Variants in EPHA6 observed in about 807,000 individuals in gnomAD.
EPHA6 encodes the protein EPH receptor A6.
In EPHA6, 50 loss-of-function variants were observed where a neutral mutation model predicts 112.0. That is an observed-to-expected ratio of 0.45 (90% confidence interval 0.36 to 0.56). EPHA6 has a LOEUF of 0.56. Among genes scored for constraint, EPHA6 ranks in the 20% least tolerant of loss-of-function variants. EPHA6 has a pLI of 0.00. For synonymous variants in EPHA6, 529 were observed against 490.7 expected, an observed-to-expected ratio of 1.08 and a Z score of -1.03; for missense variants, 1,280 against 1,417.4, an observed-to-expected ratio of 0.90 and a Z score of 1.56.
At chr3:97,008,967 A>C (rs1042724863) in intron 3 of EPHA6, among the ~76,000 whole-genome samples, 1 of 152,048 alleles carries the variant, frequency 6.6e-6, no homozygotes, top group Admixed American at 6.6e-5. Context: ...GATACCATTC[A>C]TGGAGGCTGG....
intron 5 of EPHA6, among the ~76,000 whole-genome samples, chr3:97,329,343 G>T (rs1444546557): frequency 6.6e-6 from 1 of 151,304 alleles, no homozygotes; most frequent in Non-Finnish European, 1.5e-5. Context: ...GTAATGGGAT[G>T]GCTGGGTCAA....
intron 5 of EPHA6, among the ~76,000 whole-genome samples, chr3:97,384,264 T>C (rs981718842): frequency 1.3e-5 from 2 of 152,212 alleles, no homozygotes; most frequent in Non-Finnish European, 1.5e-5. Context: ...TATTATATTA[T>C]TATTTCAAGT....
At chr3:97,305,135 C>A (rs575047134) in intron 5 of EPHA6, among the ~76,000 whole-genome samples, 1 of 152,096 alleles carries the variant, frequency 6.6e-6, no homozygotes, top group Middle Eastern at 3.4e-3. Flanking sequence ...AATAAAAGCT[C>A]AACATCACTG....
At chr3:97,648,598 C>G in intron 14 of EPHA6, 1 of 1,155,978 alleles carries the variant, frequency 8.7e-7, no homozygotes. Context: ...TAAGTACTTT[C>G]ATTAACATGA....
chr3:97,118,046 A>G (rs2047942416), intron 3 of EPHA6, among the ~76,000 whole-genome samples: 1 of 151,836 alleles, frequency 6.6e-6, no homozygotes, highest in South Asian at 2.1e-4. Context: ...ATCTTCAAAT[A>G]CTATTTGAAA....
chr3:96,986,437 C>G (rs2043024964), intron 2 of EPHA6, among the ~76,000 whole-genome samples: 2 of 152,114 alleles, frequency 1.3e-5, no homozygotes, highest in Non-Finnish European at 2.9e-5. Flanking sequence ...CACTTATGCT[C>G]TTCCTCAAAT....
At chr3:97,072,432 A>G (rs748412464) in intron 3 of EPHA6, among the ~76,000 whole-genome samples, 4 of 152,112 alleles carry the variant, frequency 2.6e-5, no homozygotes, top group African/African-American at 4.8e-5. Flanking sequence ...AACATCATCT[A>G]TAACTAAGAA....
At position 97,749,495 on chromosome 3, in the gene EPHA6, C is replaced by A. The variant is rs2035842638; in HGVS notation, c.*794C>A. Among the ~76,000 whole-genome samples the A allele has an allele frequency of 6.6e-6, 1 of 151,908 alleles. No individual in the cohort carries two copies. The highest frequency in any genetic ancestry group is 1.5e-5 in the Non-Finnish European group (1 of 67,992). On this transcript the variant is annotated 3_prime_UTR_variant, in exon 18 of 18. Transcript: ENST00000389672. ...ATATTTCTCTACTACCTTATGAAGA[C>A]CGCTCCTGGAAAGACCAAGGGTGAC...
intron 7 of EPHA6, among the ~76,000 whole-genome samples, chr3:97,467,298 T>A (rs1010793916): frequency 1.1e-4 from 16 of 151,954 alleles, no homozygotes; most frequent in African/African-American, 3.6e-4. Context: ...AATCATTTTC[T>A]TTAAATATTT....
intron 3 of EPHA6, among the ~76,000 whole-genome samples, chr3:97,168,465 A>T (rs1034541206): frequency 6.6e-6 from 1 of 151,824 alleles, no homozygotes; most frequent in Non-Finnish European, 1.5e-5. Flanking sequence ...GTTGTTCAAA[A>T]TTGTGTAGCA....
intron 3 of EPHA6, among the ~76,000 whole-genome samples, chr3:97,076,561 T>C (rs941556086): frequency 1.4e-4 from 22 of 152,170 alleles, no homozygotes; most frequent in Admixed American, 1.3e-3. Flanking sequence ...CAGCAAGTTA[T>C]CCAGAAGATC....
At chr3:96,871,912 C>T (rs571035201) in intron 2 of EPHA6, among the ~76,000 whole-genome samples, 7 of 152,010 alleles carry the variant, frequency 4.6e-5, no homozygotes, top group African/African-American at 1.4e-4. Flanking sequence ...AGTGTGGTAA[C>T]GGCCTCTTAA....
intron 3 of EPHA6, among the ~76,000 whole-genome samples, chr3:97,165,338 C>T (rs1576601225): frequency 6.6e-6 from 1 of 152,102 alleles, no homozygotes; most frequent in Non-Finnish European, 1.5e-5. Flanking sequence ...ATATTTTCAA[C>T]ATCAGATTAT....
intron 5 of EPHA6, among the ~76,000 whole-genome samples, chr3:97,281,335 A>G (rs1031832068): frequency 1.3e-5 from 2 of 152,124 alleles, no homozygotes; most frequent in Non-Finnish European, 2.9e-5. Flanking sequence ...TTGGGGGAAA[A>G]GGAAGCACAT....
intron 2 of EPHA6, among the ~76,000 whole-genome samples, chr3:96,951,965 C>T (rs913222251): frequency 9.9e-5 from 15 of 152,100 alleles, no homozygotes; most frequent in African/African-American, 3.6e-4. Context: ...TACTGTTTCT[C>T]AGCAACCTAG....
At chr3:97,148,589 G>A (rs560541217) in intron 3 of EPHA6, among the ~76,000 whole-genome samples, 35 of 152,012 alleles carry the variant, frequency 2.3e-4, no homozygotes, top group African/African-American at 5.8e-4. Flanking sequence ...GAGATGATGC[G>A]AATGCTTTTA....
chr3:97,523,308 T>G lies in EPHA6; in HGVS notation c.2201-9050T>G, dbSNP rs866161174. On this transcript the variant is annotated intron_variant, in intron 10 of 17. Transcript: ENST00000389672. Reference sequence around the variant, plus strand: ...ATCCATTAGTTGTACAGGAGTGTGATGTTTAATTTCCACATATTTGTGAAT... The same window carrying G: ...ATCCATTAGTTGTACAGGAGTGTGAGGTTTAATTTCCACATATTTGTGAAT... 3.3e-5 allele frequency among the ~76,000 whole-genome samples: 5 copies of G among 152,304 alleles called. No homozygotes were observed. In the Middle Eastern group the frequency reaches 0.017, roughly 518 times the overall value.
chr3:97,014,233 A>G (rs2044189460), intron 3 of EPHA6, among the ~76,000 whole-genome samples: 1 of 152,144 alleles, frequency 6.6e-6, no homozygotes, highest in Non-Finnish European at 1.5e-5. Flanking sequence ...CATCAAAAGT[A>G]AGGATTTGGA....
At chr3:97,302,649 A>G (rs1475132502) in intron 5 of EPHA6, among the ~76,000 whole-genome samples, 2 of 151,904 alleles carry the variant, frequency 1.3e-5, no homozygotes, top group African/African-American at 4.8e-5. Context: ...ATGCAATAAC[A>G]CTGTTTACCT....
Sources: allele counts gnomAD v4.1 joint callset (sites outside exome capture counted in the v4.1 genomes callset), GRCh38; gene constraint gnomAD v4.1.1; transcripts MANE v1.5; gene names NCBI Gene and HGNC (gene_info 2026-07-23, HGNC 2026-07-21).